The following TFPI variants were observed in gnomAD, a reference collection of about 807,000 sequenced individuals.
The protein encoded by TFPI is anti-convertin.
TFPI carries 15 observed loss-of-function variants against 34.6 expected under a neutral mutation model. The ratio of observed to expected loss-of-function variants is 0.43; its 90% confidence interval spans 0.29 to 0.67. The LOEUF (loss-of-function observed/expected upper bound fraction) is 0.67. TFPI is among the 30% of genes least tolerant of loss of function. The probability of loss-of-function intolerance (pLI) is 0.15; values close to 1 mark genes in which losing one functional copy is unlikely to be tolerated. For missense variants in TFPI, 301 were observed against 364.0 expected, an observed-to-expected ratio of 0.83 and a Z score of 1.41; for synonymous variants, 105 against 120.1, an observed-to-expected ratio of 0.87 and a Z score of 0.82.
At chr2:187,532,253 G>T (rs1687995282) in intron 1 of TFPI, among the ~76,000 whole-genome samples, 1 of 152,190 alleles carries the variant, frequency 6.6e-6, no homozygotes, top group Non-Finnish European at 1.5e-5. Context: ...CTTTGTCATT[G>T]AATGAGATAA....
rs772149015 is a variant in TFPI, at chr2:187,484,232, G to C, written c.536-16C>G. ...AAACCATTCGCTGGAAAAAAATACA[G>C]CCAATTAAAATAGATAAACATTGTC... On this transcript the variant is annotated splice_polypyrimidine_tract_variant and intron_variant, in intron 5 of 7. Coordinates refer to ENST00000233156, the MANE Select transcript of TFPI (RefSeq NM_006287.6). 8 of 1,603,994 alleles carry C rather than the reference G, an allele frequency of 5.0e-6. No individual in the cohort carries two copies. In the South Asian group the frequency reaches 8.8e-5, roughly 18 times the overall value.
chr2:187,494,537 T>G (rs1054568057), intron 3 of TFPI, among the ~76,000 whole-genome samples: 22 of 152,202 alleles, frequency 1.4e-4, no homozygotes, highest in African/African-American at 5.1e-4. Flanking sequence ...TTTTACATTT[T>G]GTCCAGTTTT....
At chr2:187,527,101 T>C (rs1219546942) in intron 1 of TFPI, 1 of 152,212 alleles carries the variant, frequency 6.6e-6, no homozygotes, top group Non-Finnish European at 1.5e-5. Context: ...TTTTTCATTT[T>C]GGGTGAGTTT....
chr2:187,500,598 A>C (rs1685783887), intron 2 of TFPI, among the ~76,000 whole-genome samples: 1 of 152,186 alleles, frequency 6.6e-6, no homozygotes, highest in South Asian at 2.1e-4. Context: ...ATTTTATAGA[A>C]ATTTTCTAGG....
chr2:187,532,847 T>C (rs1489744637), intron 1 of TFPI, among the ~76,000 whole-genome samples: 1 of 152,160 alleles, frequency 6.6e-6, no homozygotes, highest in Non-Finnish European at 1.5e-5. Context: ...TTCTTGCTCC[T>C]AGCACAGCAG....
intron 1 of TFPI, among the ~76,000 whole-genome samples, chr2:187,524,295 A>G (rs1259529400): frequency 6.6e-6 from 1 of 152,036 alleles, no homozygotes; most frequent in Non-Finnish European, 1.5e-5. Context: ...ATCACATGGC[A>G]ATTCTATGTT....
At chr2:187,473,127 AT>A (rs1054713342) in intron 6 of TFPI, among the ~76,000 whole-genome samples, 4 of 152,194 alleles carry the variant, frequency 2.6e-5, no homozygotes, top group African/African-American at 9.7e-5. Context: ...AATCAAGAAA[AT>A]ATAATAATTT....
intron 2 of TFPI, among the ~76,000 whole-genome samples, chr2:187,498,666 C>T (rs1055651222): frequency 3.3e-5 from 5 of 151,692 alleles, no homozygotes; most frequent in Non-Finnish European, 7.4e-5. Context: ...TACATAATAC[C>T]ATCTCATTAT....
At chr2:187,522,783 C>G (rs1246377651) in intron 1 of TFPI, among the ~76,000 whole-genome samples, 1 of 149,282 alleles carries the variant, frequency 6.7e-6, no homozygotes, top group African/African-American at 2.5e-5. Context: ...CCCAACTACT[C>G]GGGAGGCTGA....
intron 1 of TFPI, among the ~76,000 whole-genome samples, chr2:187,548,744 T>C (rs1688987188): frequency 6.6e-6 from 1 of 152,062 alleles, no homozygotes; most frequent in African/African-American, 2.4e-5. Flanking sequence ...CTTATTAATA[T>C]TTGCAAACTT....
intron 1 of TFPI, among the ~76,000 whole-genome samples, chr2:187,537,938 A>G (rs1232726419): frequency 6.6e-6 from 1 of 152,250 alleles, no homozygotes; most frequent in African/African-American, 2.4e-5. Flanking sequence ...ATGAACAGAC[A>G]CTTCTCAAAA....
chr2:187,540,037 G>A (rs1345976221), intron 1 of TFPI, among the ~76,000 whole-genome samples: 1 of 151,680 alleles, frequency 6.6e-6, no homozygotes, highest in Non-Finnish European at 1.5e-5. Context: ...TGGGACTACA[G>A]GCGCCCACCA....
At position 187,478,712 on chromosome 2, in the gene TFPI, G is replaced by A. The variant is rs769127021; in HGVS notation, c.628+5412C>T. 3.1e-6 allele frequency: 5 copies of A among 1,613,498 alleles called. No homozygotes were observed. The African/African-American group carries it at 6.7e-5, about 22-fold the overall frequency. ...ATGAAATGCTATCCAATCCTAGAAA[G>A]AACATGGATGCATGAATGCAGAAGG... On this transcript the variant is annotated intron_variant, in intron 6 of 7. Transcript: ENST00000233156.
At chr2:187,534,794 C>T (rs1233241200) in intron 1 of TFPI, among the ~76,000 whole-genome samples, 1 of 151,794 alleles carries the variant, frequency 6.6e-6, no homozygotes, top group African/African-American at 2.4e-5. Context: ...AGAGTCAAAA[C>T]CCATTGGTGT....
At chr2:187,516,448 G>A (rs1369345613) in intron 1 of TFPI, 2 of 152,162 alleles carry the variant, frequency 1.3e-5, no homozygotes, top group African/African-American at 4.8e-5. Context: ...TTTGCTACCT[G>A]TACTCCTTCA....
chr2:187,522,742 A>C (rs1559143035), intron 1 of TFPI, among the ~76,000 whole-genome samples: 2 of 148,712 alleles, frequency 1.3e-5, no homozygotes, highest in African/African-American at 2.5e-5. Context: ...AAAAAAAAAA[A>C]AACCCAGGCA....
chr2:187,484,587 GAATTA>G, intron 5 of TFPI: 1 of 502,438 alleles, frequency 2.0e-6, no homozygotes, highest in Non-Finnish European at 3.4e-6. Flanking sequence ...TCAGGAAGAA[GAATTA>G]AATAATGCAA....
chr2:187,471,374 A>G (rs564863173), intron 6 of TFPI, among the ~76,000 whole-genome samples: 1 of 152,172 alleles, frequency 6.6e-6, no homozygotes, highest in Non-Finnish European at 1.5e-5. Context: ...TCCAAATAGC[A>G]AATTTATTCT....
intron 3 of TFPI, among the ~76,000 whole-genome samples, chr2:187,494,241 A>AATT (rs1196604257): frequency 7.9e-6 from 1 of 126,478 alleles, no homozygotes; most frequent in Non-Finnish European, 1.6e-5. Context: ...AACATATGGG[A>AATT]ATTATGGGAG....
Sources: allele counts gnomAD v4.1 joint callset (sites outside exome capture counted in the v4.1 genomes callset), GRCh38; gene constraint gnomAD v4.1.1; transcripts MANE v1.5; gene names NCBI Gene and HGNC (gene_info 2026-07-23, HGNC 2026-07-21).